The following PKIG variants were observed in gnomAD, a reference collection of about 807,000 sequenced individuals.
The protein encoded by PKIG is cAMP-dependent protein kinase inhibitor gamma.
A neutral mutation model predicts 6.8 loss-of-function variants in PKIG; 1 was observed. The ratio of observed to expected loss-of-function variants is 0.15; its 90% CI spans 0.05 to 0.69. The LOEUF (loss-of-function observed/expected upper bound fraction) is 0.69, where lower values mean the gene tolerates loss of function less well. Among genes scored for constraint, PKIG ranks in the 30% least tolerant of loss-of-function variants. The pLI is 0.82. For synonymous variants in PKIG, 39 were observed against 43.0 expected, an observed-to-expected ratio of 0.91 and a Z score of 0.36; for missense variants, 77 against 104.0, an observed-to-expected ratio of 0.74 and a Z score of 1.13.
rs529738627 is a variant in PKIG, at chr20:44,595,658, C to T, written c.-24+5792C>T. Among the ~76,000 whole-genome samples, 78 of 152,230 alleles carry T rather than the reference C, an allele frequency of 5.1e-4. 2 individuals carry two copies. In the South Asian group the frequency reaches 0.015, roughly 30 times the overall value. Reference sequence around the variant, plus strand: ...CCTCCTGAGTAGCTGGGATCACAGGCGTGCACCACCATGCCCGGCTAATTT... The same window carrying T: ...CCTCCTGAGTAGCTGGGATCACAGGTGTGCACCACCATGCCCGGCTAATTT... On this transcript the variant is annotated intron_variant, in intron 2 of 3. Transcript: ENST00000372886.
intron 1 of PKIG, among the ~76,000 whole-genome samples, chr20:44,543,786 T>A (rs1050613227): frequency 6.6e-6 from 1 of 152,042 alleles, no homozygotes; most frequent in African/African-American, 2.4e-5. Context: ...GCGCGGTGGC[T>A]TACACCCGTA....
chr20:44,594,207 G>C (rs2065057151), intron 2 of PKIG, among the ~76,000 whole-genome samples: 1 of 152,074 alleles, frequency 6.6e-6, no homozygotes, highest in South Asian at 2.1e-4. Flanking sequence ...ATTTAGCTTT[G>C]CTTTTCTGAT....
chr20:44,618,537 G>A lies in PKIG; in HGVS notation c.*173G>A. ...GGCCTCCACTCCGGGAAAGCCCTCT[G>A]CCCACACCCACAGGCTTCACATTCC... On this transcript the variant is annotated 3_prime_UTR_variant, in exon 4 of 4. Coordinates refer to ENST00000372886, the MANE Select transcript of PKIG (RefSeq NM_001281445.2). 1.7e-6 allele frequency: 1 copy of A among 580,348 alleles called. No individual in the cohort carries two copies. The highest frequency in any genetic ancestry group is 1.9e-5 in the South Asian group (1 of 52,346). 35.9% of individuals were successfully genotyped at this position (580,348 alleles called of 1,614,324 possible).
At chr20:44,599,408 A>C (rs745349903) in intron 2 of PKIG, among the ~76,000 whole-genome samples, 2 of 152,198 alleles carry the variant, frequency 1.3e-5, no homozygotes, top group Non-Finnish European at 2.9e-5. Context: ...TGCTTAGCAC[A>C]GTCTGGCATG....
At position 44,618,897 on chromosome 20, in the gene PKIG, C is replaced by G. The variant is rs2065297636; in HGVS notation, c.*533C>G. 6.3e-6 allele frequency: 1 copy of G among 157,524 alleles called. No individual in the cohort carries two copies. Among genetic ancestry groups the G allele is most frequent in the South Asian group, 1.9e-4 (1 of 5,286 alleles). 9.8% of individuals were successfully genotyped at this position (157,524 alleles called of 1,614,324 possible). ...TTTTAGCTAAACTGTCATTGTGCAT[C>G]TCTGAGGTTCCCTCATGGAGCTCCA... On this transcript the variant is annotated 3_prime_UTR_variant, in exon 4 of 4. Coordinates refer to ENST00000372886, the MANE Select transcript of PKIG (RefSeq NM_001281445.2).
chr20:44,554,205 G>A (rs2064693597), intron 1 of PKIG, among the ~76,000 whole-genome samples: 1 of 151,892 alleles, frequency 6.6e-6, no homozygotes, highest in African/African-American at 2.4e-5. Flanking sequence ...AGCCTTCCCA[G>A]TACCTGGGAT....
intron 2 of PKIG, among the ~76,000 whole-genome samples, chr20:44,604,454 A>G (rs1314780945): frequency 1.3e-5 from 2 of 152,240 alleles, no homozygotes; most frequent in Admixed American, 6.5e-5. Context: ...AGAGAACGAG[A>G]CGTGTAGAAC....
intron 1 of PKIG, among the ~76,000 whole-genome samples, chr20:44,575,568 C>T (rs141276872): frequency 1.7e-4 from 26 of 152,284 alleles, no homozygotes; most frequent in African/African-American, 6.0e-4. Flanking sequence ...TAGGCCTCTG[C>T]CCTGCCTGGG....
rs536364555 is a variant in PKIG at position 44,599,528 on chromosome 20, C to G, written c.-24+9662C>G. Among the ~76,000 whole-genome samples, 184 of 152,194 alleles carry G rather than the reference C, an allele frequency of 1.2e-3. 1 individual carries two copies. The highest frequency in any genetic ancestry group is 1.7e-3 in the African/African-American group (72 of 41,522). Reference sequence around the variant, plus strand: ...CACAAGGTCAAGAGATCGAGACCATCCTGGCCAACATGGTGAAACCCTGTC... The same window carrying G: ...CACAAGGTCAAGAGATCGAGACCATGCTGGCCAACATGGTGAAACCCTGTC... On this transcript the variant is annotated intron_variant, in intron 2 of 3. Coordinates refer to ENST00000372886, the MANE Select transcript of PKIG (RefSeq NM_001281445.2).
chr20:44,558,379 A>T (rs1321584818), intron 1 of PKIG, among the ~76,000 whole-genome samples: 1 of 152,024 alleles, frequency 6.6e-6, no homozygotes, highest in African/African-American at 2.4e-5. Context: ...TATATGATTG[A>T]TCGATTGGTT....
At chr20:44,559,344 A>G (rs1305605629) in intron 1 of PKIG, among the ~76,000 whole-genome samples, 1 of 152,228 alleles carries the variant, frequency 6.6e-6, no homozygotes, top group Non-Finnish European at 1.5e-5. Context: ...GCTATTGTTC[A>G]CATAGATACA....
chr20:44,600,236 G>T (rs534637944), intron 2 of PKIG, among the ~76,000 whole-genome samples: 3 of 152,280 alleles, frequency 2.0e-5, no homozygotes, highest in African/African-American at 4.8e-5. Flanking sequence ...TGAGACAAAG[G>T]CTCATCTGCA....
At chr20:44,604,037 G>A (rs1395158991) in intron 2 of PKIG, among the ~76,000 whole-genome samples, 1 of 151,982 alleles carries the variant, frequency 6.6e-6, no homozygotes, top group Non-Finnish European at 1.5e-5. Context: ...TGGGGGTGGG[G>A]GTGGTGAGGA....
intron 3 of PKIG, among the ~76,000 whole-genome samples, chr20:44,616,777 G>A (rs537317661): frequency 4.6e-5 from 7 of 152,196 alleles, no homozygotes; most frequent in African/African-American, 1.4e-4. Context: ...GCGGGGCTGC[G>A]GGCCACGCCC....
chr20:44,587,029 C>G (rs2064995524), intron 1 of PKIG, among the ~76,000 whole-genome samples: 1 of 152,178 alleles, frequency 6.6e-6, no homozygotes, highest in Non-Finnish European at 1.5e-5. Context: ...GTCCCAGGAA[C>G]CTAGGTCAGT....
intron 1 of PKIG, among the ~76,000 whole-genome samples, chr20:44,562,058 A>G (rs908681370): frequency 2.6e-5 from 4 of 152,076 alleles, no homozygotes; most frequent in Admixed American, 6.6e-5. Flanking sequence ...GAAGGCTGCA[A>G]TGGGAAGATT....
chr20:44,614,734 A>C lies in PKIG; in HGVS notation c.151+27A>C, dbSNP rs750733072. The C allele has an allele frequency of 6.2e-7, 1 of 1,612,008 alleles. No individual in the cohort carries two copies. The highest frequency in any genetic ancestry group is 8.5e-7 in the Non-Finnish European group (1 of 1,179,336). On this transcript the variant is annotated intron_variant, in intron 3 of 3. Transcript: ENST00000372886. This position sits in a 1 kb window ranked among gnomAD's most constrained non-coding sequence, Gnocchi z 4.6. Reference sequence around the variant, plus strand: ...TTAGAGCCAGCAGGTCCTTGGCACTACTGCATGCCAGAGGCCCTCTGCCGG... The same window carrying C: ...TTAGAGCCAGCAGGTCCTTGGCACTCCTGCATGCCAGAGGCCCTCTGCCGG...
chr20:44,555,284 CT>C (rs754328194), intron 1 of PKIG, among the ~76,000 whole-genome samples: 1 of 152,080 alleles, frequency 6.6e-6, no homozygotes, highest in Non-Finnish European at 1.5e-5. Flanking sequence ...TGTTTTATTC[CT>C]TTTACAAAAA....
intron 1 of PKIG, among the ~76,000 whole-genome samples, chr20:44,553,788 G>C (rs982710163): frequency 5.3e-5 from 8 of 152,162 alleles, no homozygotes. Flanking sequence ...ACACGGGTGA[G>C]GGGAGGAAGG....
Sources: allele counts gnomAD v4.1 joint callset (sites outside exome capture counted in the v4.1 genomes callset), GRCh38; gene constraint gnomAD v4.1.1; non-coding constraint Gnocchi (gnomAD v3.1); transcripts MANE v1.5; gene names NCBI Gene and HGNC (gene_info 2026-07-23, HGNC 2026-07-21).